The following DCLRE1C variants were observed in gnomAD, a reference collection of about 807,000 sequenced individuals.
DCLRE1C encodes DNA cross-link repair 1C.
A neutral mutation model predicts 61.4 loss-of-function variants in DCLRE1C; 47 were observed. The ratio of observed to expected loss-of-function variants is 0.77; its 90% CI spans 0.61 to 0.98. The LOEUF (loss-of-function observed/expected upper bound fraction) is 0.98. DCLRE1C is among the 50% of genes least tolerant of loss of function. The probability of loss-of-function intolerance (pLI) is 0.00; values close to 1 mark genes in which losing one functional copy is unlikely to be tolerated. For synonymous variants in DCLRE1C, 337 were observed against 287.6 expected (o/e 1.17, Z -1.74); for missense variants, 858 against 816.0 (o/e 1.05, Z -0.63).
intron 4 of DCLRE1C, 143 bp downstream of exon 4, chr10:14,939,667 T>C: frequency 4.2e-6 from 3 of 717,812 alleles, no homozygotes; most frequent in East Asian, 2.9e-5. Flanking sequence ...TTATTTATGG[T>C]TAAATGAGCA....
At chr10:14,899,943 G>A (rs115729126), downstream of DCLRE1C, among the ~76,000 whole-genome samples, 1,249 of 152,204 alleles carry the variant, frequency 8.2e-3, 21 homozygotes, top group African/African-American at 0.028. Flanking sequence ...AAACTTTCTA[G>A]TAACTTTGTA....
exon 14 of DCLRE1C, chr10:14,898,057 T>C (rs1250797388): frequency 2.0e-5 from 3 of 151,350 alleles, no homozygotes; most frequent in Non-Finnish European, 4.4e-5. Flanking sequence ...ATACAAATAC[T>C]AGCAAATTTA....
intron 11 of DCLRE1C, 47 bp from the exon 12 acceptor site, chr10:14,923,116 A>G (rs1837391710): frequency 7.0e-7 from 1 of 1,422,656 alleles, no homozygotes; most frequent in Non-Finnish European, 9.9e-7. Flanking sequence ...ACGATGAAAC[A>G]GGTTGTTAGG....
rs1840574128 is a variant in DCLRE1C, at chr10:14,939,825, A to G, written c.291T>C (p.Asp97=). Residue 97 remains aspartate (D), a synonymous_variant, in exon 4 of 14, where the codon GAT becomes GAC. Coordinates refer to ENST00000378278, the MANE Select transcript of DCLRE1C (RefSeq NM_001033855.3). ...ATTTAGTTACCTCTCCTGATGCTTC[A>G]TCCACTAAAGATATCTGGGTAGGAG... ...IETPTQISLV[D]EASGEKEEIV... is the part of the protein sequence containing the mutation. 5.0e-6 allele frequency: 8 copies of G among 1,595,764 alleles called. No homozygotes were observed. Among genetic ancestry groups the G allele is most frequent in the East Asian group, 4.5e-5 (2 of 44,736 alleles).
At chr10:14,950,357 C>CA (rs1196056427) in intron 1 of DCLRE1C, among the ~76,000 whole-genome samples, 3,481 of 71,238 alleles carry the variant, frequency 0.049, 106 homozygotes, top group African/African-American at 0.12. Flanking sequence ...AAATAATAAC[C>CA]AAAAAAAAAA....
intron 13 of DCLRE1C, among the ~76,000 whole-genome samples, chr10:14,912,156 G>C (rs139526422): frequency 1.3e-5 from 2 of 152,196 alleles, no homozygotes; most frequent in Non-Finnish European, 2.9e-5. Context: ...ACCATCATAA[G>C]GCTGGAGACT....
chr10:14,942,855 G>A (rs1019966186), intron 3 of DCLRE1C, among the ~76,000 whole-genome samples: 1 of 152,186 alleles, frequency 6.6e-6, no homozygotes, highest in Non-Finnish European at 1.5e-5. Flanking sequence ...GCCCGGCATA[G>A]TGGCTCACAC....
chr10:14,936,428 A>G lies in DCLRE1C; in HGVS notation c.362+110T>C, dbSNP rs773982327. On this transcript the variant is annotated intron_variant, in intron 5 of 13. Coordinates refer to ENST00000378278, the MANE Select transcript of DCLRE1C (RefSeq NM_001033855.3). ...CTCCCAAAGCACTGGGATTACAGACATGTGCCACTGCACCCAGCCCCCTAT... is the reference window on the plus strand; with the variant it reads ...CTCCCAAAGCACTGGGATTACAGACGTGTGCCACTGCACCCAGCCCCCTAT... 3.5e-4 allele frequency: 283 copies of G among 817,384 alleles called. 1 individual carries two copies. Among genetic ancestry groups the G allele is most frequent in the Non-Finnish European group, 5.4e-4 (263 of 488,028 alleles). The allele number at this position is 817,384 out of a possible 1,614,324, so 50.6% of individuals were successfully genotyped here. A position where few individuals can be genotyped will look rare whatever the true frequency, so the allele number is the denominator to read the frequency against.
chr10:14,908,579 C>G lies in DCLRE1C; in HGVS notation c.1908G>C (p.Leu636Phe). 2 of 1,614,140 alleles carry G rather than the reference C, an allele frequency of 1.2e-6. No homozygotes were observed. The highest frequency in any genetic ancestry group is 1.7e-6 in the Non-Finnish European group (2 of 1,180,026). Residue 636 changes from leucine (L) to phenylalanine (F), a missense_variant, in exon 14 of 14, where the codon TTG becomes TTC. Physicochemically the swap from Leu to Phe is conservative, Grantham distance 22. Around this residue, in one of 2 missense-constraint regions of DCLRE1C, gnomAD observed 843 missense variants for 783.5 expected, o/e 1.08. Transcript: ENST00000378278. ...AATCTGCATTTGTGCTAAGATTTAG[C>G]AAACTTTTTTCCTCGGGTATATGTG... is the stretch of plus-strand genomic sequence containing the variant. Reference protein sequence around the residue: ...SETHIPEEKSLLNLSTNADSQ... With the variant: ...SETHIPEEKSFLNLSTNADSQ...
intron 3 of DCLRE1C, among the ~76,000 whole-genome samples, chr10:14,943,117 T>G (rs1250536844): frequency 6.6e-6 from 1 of 151,744 alleles, no homozygotes; most frequent in African/African-American, 2.4e-5. Flanking sequence ...AGAGTGAGAC[T>G]ATCTCAAAAA....
intron 3 of DCLRE1C, among the ~76,000 whole-genome samples, chr10:14,940,290 A>AT (rs1046309328): frequency 2.7e-3 from 54 of 20,294 alleles, no homozygotes; most frequent in Admixed American, 8.3e-3. Context: ...CGGTTCTTTT[A>AT]TTTTTTTTTT....
downstream of DCLRE1C, chr10:14,903,799 C>G (rs1051369629): frequency 7.2e-5 from 11 of 152,088 alleles, no homozygotes; most frequent in Admixed American, 6.5e-4. Flanking sequence ...TAATTTTTAC[C>G]TAAGCTCATT....
intron 2 of DCLRE1C, among the ~76,000 whole-genome samples, chr10:14,948,770 TTA>T (rs35296522): frequency 1.4e-3 from 195 of 142,968 alleles, no homozygotes; most frequent in Admixed American, 1.4e-3. Flanking sequence ...TTTGGTAGGA[TTA>T]TATATATATA....
chr10:14,929,059 C>T (rs982245853), intron 9 of DCLRE1C, among the ~76,000 whole-genome samples: 4 of 152,096 alleles, frequency 2.6e-5, no homozygotes, highest in Admixed American at 6.6e-5. Context: ...GAATTACAGG[C>T]GAGAGCCACT....
chr10:14,939,448 A>T (rs1054829161), intron 4 of DCLRE1C, among the ~76,000 whole-genome samples: 1 of 151,180 alleles, frequency 6.6e-6, no homozygotes, highest in East Asian at 1.9e-4. Context: ...TGTCTCAAAA[A>T]AAAAAAAGAA....
At chr10:14,941,507 G>C (rs956299812) in intron 3 of DCLRE1C, among the ~76,000 whole-genome samples, 3 of 152,096 alleles carry the variant, frequency 2.0e-5, no homozygotes, top group African/African-American at 7.2e-5. Context: ...GGCCGGTTTC[G>C]AACTCCTGGA....
rs569410259 is a variant in DCLRE1C at position 14,949,785 on chromosome 10, C to G, written c.110-698G>C. On this transcript the variant is annotated intron_variant, in intron 1 of 13. Coordinates refer to ENST00000378278, the MANE Select transcript of DCLRE1C (RefSeq NM_001033855.3). ...ACCAGTTGGACATGGTGGCTCTTGC[C>G]TGTAATCCCAACACTTTGGGAGGCC... is the stretch of plus-strand genomic sequence containing the variant. Among the ~76,000 whole-genome samples, 5 of 152,372 alleles carry G rather than the reference C, an allele frequency of 3.3e-5. No homozygotes were observed. In the South Asian group the frequency reaches 8.3e-4, roughly 25 times the overall value.
At chr10:14,933,276 T>C (rs1475830568) in intron 8 of DCLRE1C, among the ~76,000 whole-genome samples, 2 of 152,214 alleles carry the variant, frequency 1.3e-5, no homozygotes, top group African/African-American at 4.8e-5. Flanking sequence ...ACACCTACTA[T>C]GTGTCGAGCT....
chr10:14,932,812 A>G lies in DCLRE1C; in HGVS notation c.780+42T>C, dbSNP rs767131971. On this transcript the variant is annotated intron_variant, in intron 9 of 13. Coordinates refer to ENST00000378278, the MANE Select transcript of DCLRE1C (RefSeq NM_001033855.3). The stretch of plus-strand genomic sequence containing the variant: ...AGCCCTGACCTTTCTTCTTTTTCAT[A>G]GATTACACAAACAATACGAGAGGAA... 1.1e-5 allele frequency: 17 copies of G among 1,607,356 alleles called. No homozygotes were observed. The East Asian group carries it at 3.1e-4, about 30-fold the overall frequency.
Sources: allele counts gnomAD v4.1 joint callset (sites outside exome capture counted in the v4.1 genomes callset), GRCh38; gene constraint gnomAD v4.1.1; regional missense constraint gnomAD v4.1.1; transcripts MANE v1.5; gene names NCBI Gene and HGNC (gene_info 2026-07-23, HGNC 2026-07-21).